Variants in MYMX observed in about 807,000 individuals in gnomAD.
MYMX encodes protein myomixer.
chr6:44,208,168 G>T, the MYMX span, among the ~76,000 whole-genome samples: 500 of 151,382 alleles, frequency 3.3e-3, 5 homozygotes, highest in African/African-American at 0.012. Context: ...GATCGCTGGA[G>T]CCCAGGAGGT....
the MYMX span, among the ~76,000 whole-genome samples, chr6:44,202,188 G>A: frequency 6.6e-6 from 1 of 152,182 alleles, no homozygotes; most frequent in Non-Finnish European, 1.5e-5. Context: ...CACTCTGGTG[G>A]CTCTTGGTGT....
At chr6:44,215,564 C>CTCCGT (rs1775814940), upstream of MYMX, among the ~76,000 whole-genome samples, 2 of 150,124 alleles carry the variant, frequency 1.3e-5, no homozygotes, top group African/African-American at 4.9e-5. Flanking sequence ...CAGAGTGAGA[C>CTCCGT]CTTGCCTCAA....
At position 44,217,539 on chromosome 6, in the gene MYMX, G is replaced by A. The variant is rs992317304; in HGVS notation, c.68G>A (p.Arg23His). ...TCCTGCCTGCTGCTGCCTGCTGCCC[G>A]CCTGGCCCGCCAATACCTCCTGCCC... The part of the protein sequence containing the change: ...LLSCLLLPAA[R>H]LARQYLLPLL... Residue 23 changes from arginine (R) to histidine (H), a missense_variant, in exon 2 of 2, where the codon CGC becomes CAC. Coordinates refer to ENST00000573382, the MANE Select transcript of MYMX (RefSeq NM_001315494.2). 17 of 405,004 alleles carry A rather than the reference G, an allele frequency of 4.2e-5. No individual in the cohort carries two copies. The highest frequency in any genetic ancestry group is 2.8e-4 in the East Asian group (8 of 28,218). 25.1% of individuals were successfully genotyped at this position (405,004 alleles called of 1,614,324 possible). A position where few individuals can be genotyped will look rare whatever the true frequency, so the allele number is the denominator to read the frequency against.
the MYMX span, among the ~76,000 whole-genome samples, chr6:44,193,281 T>C: frequency 6.6e-6 from 1 of 152,110 alleles, no homozygotes; most frequent in African/African-American, 2.4e-5. Context: ...TTTTTCTTTT[T>C]TTTTCCATAT....
chr6:44,192,866 G>A, the MYMX span, among the ~76,000 whole-genome samples: 2 of 152,184 alleles, frequency 1.3e-5, no homozygotes, highest in Non-Finnish European at 2.9e-5. Context: ...TTGAGAGCAG[G>A]ACTGTCTTTT....
chr6:44,202,084 G>A, the MYMX span, among the ~76,000 whole-genome samples: 1 of 152,186 alleles, frequency 6.6e-6, no homozygotes, highest in African/African-American at 2.4e-5. Context: ...GGGGTGGGAA[G>A]AGCAGGACTC....
intron 1 of MYMX, 119 bp downstream of exon 1, chr6:44,217,087 A>C: frequency 5.2e-6 from 1 of 191,652 alleles, no homozygotes; most frequent in Non-Finnish European, 1.1e-5. Flanking sequence ...AACTCCTGCT[A>C]GACTGAGGGA....
chr6:44,198,629 C>T, the MYMX span, among the ~76,000 whole-genome samples: 4 of 152,272 alleles, frequency 2.6e-5, no homozygotes, highest in Admixed American at 2.6e-4. Context: ...ACCTCAGCCT[C>T]CCCAGTAGCT....
chr6:44,207,193 C>T, the MYMX span, among the ~76,000 whole-genome samples: 8 of 152,108 alleles, frequency 5.3e-5, no homozygotes, highest in South Asian at 2.1e-4. Context: ...CGGAGTCTCG[C>T]GGTCTCCCAG....
At chr6:44,204,733 GCCCCAAA>G in the MYMX span, among the ~76,000 whole-genome samples, 1 of 151,928 alleles carries the variant, frequency 6.6e-6, no homozygotes, top group African/African-American at 2.4e-5. Context: ...ACCCCTAGAG[GCCCCAAA>G]CCCCTATTGT....
chr6:44,206,937 T>A, the MYMX span, among the ~76,000 whole-genome samples: 1 of 152,180 alleles, frequency 6.6e-6, no homozygotes, highest in African/African-American at 2.4e-5. Context: ...GGTGTTTGTC[T>A]TAATAAGAGG....
upstream of MYMX, among the ~76,000 whole-genome samples, chr6:44,215,531 C>T (rs758715013): frequency 1.1e-4 from 17 of 152,032 alleles, no homozygotes; most frequent in Non-Finnish European, 2.4e-4. Context: ...CATGATCATG[C>T]CATGGCACTC....
the MYMX span, among the ~76,000 whole-genome samples, chr6:44,202,097 G>A: frequency 9.2e-5 from 14 of 152,166 alleles, no homozygotes; most frequent in East Asian, 3.9e-4. Context: ...CAGGACTCTC[G>A]GTGCCCGTGG....
upstream of MYMX, among the ~76,000 whole-genome samples, chr6:44,215,747 T>C (rs907753146): frequency 6.6e-6 from 1 of 151,526 alleles, no homozygotes; most frequent in Non-Finnish European, 1.5e-5. Flanking sequence ...ATACAAAAAT[T>C]AGCCGGGCAT....
At chr6:44,216,421 G>A (rs1368428771), upstream of MYMX, among the ~76,000 whole-genome samples, 2 of 152,026 alleles carry the variant, frequency 1.3e-5, no homozygotes, top group Non-Finnish European at 2.9e-5. Context: ...AGGTCGAGGC[G>A]GGTGGATCAC....
the MYMX span, chr6:44,209,946 A>ATTAT: frequency 1.4e-5 from 2 of 141,870 alleles, no homozygotes; most frequent in South Asian, 4.5e-4. Flanking sequence ...TATATATTTT[A>ATTAT]TTATTTATTT....
chr6:44,202,589 G>C, the MYMX span, among the ~76,000 whole-genome samples: 1 of 152,132 alleles, frequency 6.6e-6, no homozygotes, highest in Non-Finnish European at 1.5e-5. Flanking sequence ...TGGCGGCTTT[G>C]TTCCTGACGA....
At chr6:44,198,538 G>C in the MYMX span, among the ~76,000 whole-genome samples, 1 of 151,516 alleles carries the variant, frequency 6.6e-6, no homozygotes, top group East Asian at 1.9e-4. Context: ...TGACAGTCTT[G>C]CTCTGTTGCC....
chr6:44,206,228 TTTTTA>T, the MYMX span, among the ~76,000 whole-genome samples: 36 of 152,050 alleles, frequency 2.4e-4, no homozygotes, highest in Admixed American at 6.6e-4. Context: ...ATTTACTTAT[TTTTTA>T]TTTTATTTTA....
Sources: allele counts gnomAD v4.1 joint callset (sites outside exome capture counted in the v4.1 genomes callset), GRCh38; gene constraint gnomAD v4.1.1; transcripts MANE v1.5; gene names NCBI Gene and HGNC (gene_info 2026-07-23, HGNC 2026-07-21).